Variants in GLI3 observed in about 807,000 individuals in gnomAD.
GLI3 encodes GLI family zinc finger 3, also known as transcription activator GLI3.
In GLI3, 20 loss-of-function variants were observed where a neutral mutation model predicts 100.8. The ratio of observed to expected loss-of-function variants is 0.20; its 90% CI spans 0.14 to 0.29. The LOEUF (loss-of-function observed/expected upper bound fraction) is 0.29, where lower values mean the gene tolerates loss of function less well. Among genes scored for constraint, GLI3 ranks in the 10% least tolerant of loss-of-function variants. GLI3 has a pLI of 1.00. For missense variants in GLI3, 2,040 were observed against 2,128.5 expected (o/e 0.96, Z 0.82); for synonymous variants, 938 against 860.5 (o/e 1.09, Z -1.58).
rs182815074 is a variant in GLI3, at chr7:42,009,020, T to C, written c.1497+14448A>G. Among the ~76,000 whole-genome samples, 72 of 152,358 alleles carry C rather than the reference T, an allele frequency of 4.7e-4. 1 individual carries two copies. The East Asian group carries it at 0.013, about 27-fold the overall frequency. ...CCTGGAAACAGGTACACCAAATTGT[T>C]ATGCAGACCAGGGCTGGGAGCCCAG... On this transcript the variant is annotated intron_variant, in intron 10 of 14. Transcript: ENST00000395925.
chr7:42,194,602 C>T (rs945348287), intron 2 of GLI3, among the ~76,000 whole-genome samples: 10 of 152,040 alleles, frequency 6.6e-5, no homozygotes, highest in African/African-American at 2.4e-4. Context: ...GCTCTACTCC[C>T]GTCTGTCTTA....
chr7:42,042,842 C>A (rs1424703756), intron 6 of GLI3, among the ~76,000 whole-genome samples: 1 of 152,090 alleles, frequency 6.6e-6, no homozygotes, highest in East Asian at 1.9e-4. Context: ...AAATAGTGGT[C>A]TTCAGGGGCC....
intron 1 of GLI3, among the ~76,000 whole-genome samples, chr7:42,235,182 GACT>G (rs1393607907): frequency 6.6e-6 from 1 of 152,178 alleles, no homozygotes; most frequent in African/African-American, 2.4e-5. Flanking sequence ...GAAACTGTCA[GACT>G]ACTATTAATT....
chr7:42,164,010 A>AT lies in GLI3; in HGVS notation c.125-15543dup, dbSNP rs936493420. Reference sequence around the variant, plus strand: ...AAATATTACTTTCCAAGCCTATGCAATTTTTTTTTCCTTTTGTAATGGGTC... The same window carrying AT: ...AAATATTACTTTCCAAGCCTATGCAATTTTTTTTTTCCTTTTGTAATGGGTC... On this transcript the variant is annotated intron_variant, in intron 2 of 14. Transcript: ENST00000395925. 5.9e-5 allele frequency among the ~76,000 whole-genome samples: 9 copies of AT among 151,706 alleles called. No homozygotes were observed. In the South Asian group the frequency reaches 8.4e-4, roughly 14 times the overall value.
chr7:41,965,329 G>A lies in GLI3; in HGVS notation c.3744C>T (p.Pro1248=), dbSNP rs776336534. ...GTSGNAFHEQ[P]CKAPQYGNCL... ...AGTTCCCATACTGCGGGGCCTTACA[G>A]GGCTGTTCATGGAAGGCGTTTCCAC... is the stretch of plus-strand genomic sequence containing the variant. The change falls in exon 15 of 15, where the codon CCC becomes CCT. Residue 1248 remains proline (P), a synonymous_variant. Transcript: ENST00000395925. 2 of 1,613,808 alleles carry A rather than the reference G, an allele frequency of 1.2e-6. No homozygotes were observed. Among genetic ancestry groups the A allele is most frequent in the Non-Finnish European group, 1.7e-6 (2 of 1,179,916 alleles).
intron 2 of GLI3, among the ~76,000 whole-genome samples, chr7:42,189,500 T>A (rs1431411498): frequency 6.6e-6 from 1 of 152,196 alleles, no homozygotes; most frequent in Admixed American, 6.5e-5. Flanking sequence ...TCTCCATTTT[T>A]AAAAGCTAAT....
chr7:42,045,613 C>T (rs1784230836), intron 5 of GLI3, 83 bp from the exon 6 acceptor site: 3 of 1,240,032 alleles, frequency 2.4e-6, no homozygotes, highest in African/African-American at 1.5e-5. Flanking sequence ...GAGTCCATTA[C>T]ACAACCCACA....
At position 42,231,897 on chromosome 7, in the gene GLI3, CA is replaced by C. The variant is rs59256693; in HGVS notation, c.-43+5073del. On this transcript the variant is annotated intron_variant, in intron 1 of 14. Coordinates refer to ENST00000395925, the MANE Select transcript of GLI3 (RefSeq NM_000168.6). The stretch of plus-strand genomic sequence containing the variant: ...CTTCCTAGGCATTTCATGCAATCTT[CA>C]AAAAAAAAAAAAAGTTAAAGTAGCA... 7.6e-3 allele frequency among the ~76,000 whole-genome samples: 954 copies of C among 125,694 alleles called. 1 individual carries two copies. The highest frequency in any genetic ancestry group is 0.016 in the African/African-American group (580 of 37,034). 82.5% of individuals were successfully genotyped at this position (125,694 alleles called of 152,430 possible). A position where few individuals can be genotyped will look rare whatever the true frequency, so the allele number is the denominator to read the frequency against.
In GLI3 at chr7:42,048,871, A is replaced by C. The variant is rs846265; in HGVS notation, c.474-175T>G. ...ATTATTTTAAAATCAGCATGATATA[A>C]TGCAGGCAGAGCATCGCTATGCAAT... On this transcript the variant is annotated intron_variant, in intron 4 of 14. Transcript: ENST00000395925. Among the ~76,000 whole-genome samples the C allele has an allele frequency of 0.56, 84,678 of 151,776 alleles. 25,763 individuals are homozygous for C. The highest frequency in any genetic ancestry group is 0.82 in the African/African-American group (33,973 of 41,372).
intron 2 of GLI3, among the ~76,000 whole-genome samples, chr7:42,178,145 A>C (rs549579310): frequency 6.6e-6 from 1 of 152,338 alleles, no homozygotes; most frequent in East Asian, 1.9e-4. Context: ...GATGTCGGCC[A>C]AAAGCAGCAC....
chr7:42,026,381 G>A lies in GLI3; in HGVS notation c.1060C>T (p.Pro354Ser). 2 of 1,614,182 alleles carry A rather than the reference G, an allele frequency of 1.2e-6. No individual in the cohort carries two copies. The highest frequency in any genetic ancestry group is 1.7e-6 in the Non-Finnish European group (2 of 1,180,022). ...TGCTGATGCATGTGGAGAGAGACGG[G>A]CGCGGAAGAGTAGGTGAAGCTCAAG... ...PALSFTYSSA[P>S]VSLHMHQQIL... The change falls in exon 8 of 15, where the codon CCC (proline) becomes TCC (serine). Residue 354 changes from proline to serine, a missense_variant. Transcript: ENST00000395925.
rs1393426835 is a variant in GLI3, at chr7:41,961,475, A to G, written c.*2855T>C. On this transcript the variant is annotated 3_prime_UTR_variant, in exon 15 of 15. Transcript: ENST00000395925. ...CATAAAATAAGGCACATACATCGCA[A>G]GAATCAAAACTTTGTGGCTCAAGAG... 6.6e-6 allele frequency: 1 copy of G among 152,658 alleles called. No individual in the cohort carries two copies. The highest frequency in any genetic ancestry group is 1.5e-5 in the Non-Finnish European group (1 of 68,046). The allele number at this position is 152,658 out of a possible 1,614,324, so 9.5% of individuals were successfully genotyped here.
chr7:42,263,035 C>A (rs1038651211), intron 1 of GLI3, among the ~76,000 whole-genome samples: 5 of 152,054 alleles, frequency 3.3e-5, no homozygotes, highest in African/African-American at 7.2e-5. Context: ...TTCTTCAGGT[C>A]CCTGGGCCTG....
chr7:42,172,733 G>A (rs548710626), intron 2 of GLI3: 156 of 668,626 alleles, frequency 2.3e-4, no homozygotes, highest in African/African-American at 1.5e-3. Flanking sequence ...AGAGTTTTCC[G>A]TGAGTAAAGT....
Position 41,964,333 on chromosome 7 carries a change from T to C in GLI3, c.4740A>G (p.Gln1580=), listed in dbSNP as rs375653915. 3.7e-5 allele frequency: 59 copies of C among 1,613,804 alleles called. No individual in the cohort carries two copies. The Admixed American group carries it at 5.7e-4, about 15-fold the overall frequency. The change falls in exon 15 of 15, where the codon CAA becomes CAG. Residue 1580 remains glutamine, a synonymous_variant. Transcript: ENST00000395925. ...AEESKFLAVM[Q] ...TGCAGTCTTTTTTTCCTAAAGCCTA[T>C]TGCATAACTGCAAGGAATTTGCTTT... is the stretch of plus-strand genomic sequence containing the variant.
chr7:42,056,068 A>T (rs116407661), intron 4 of GLI3, among the ~76,000 whole-genome samples: 1,548 of 152,258 alleles, frequency 0.01, 24 homozygotes, highest in African/African-American at 0.03. Context: ...CCATGTGAGA[A>T]GTGCCTTTCA....
chr7:42,055,047 A>G (rs1440196964), intron 4 of GLI3, among the ~76,000 whole-genome samples: 1 of 134,192 alleles, frequency 7.5e-6, no homozygotes, highest in Non-Finnish European at 1.7e-5. Context: ...ATACATATAT[A>G]TATACACACA....
At chr7:41,997,430 A>C (rs1329387080) in intron 10 of GLI3, among the ~76,000 whole-genome samples, 1 of 152,234 alleles carries the variant, frequency 6.6e-6, no homozygotes, top group East Asian at 1.9e-4. Context: ...ATTTTACTAA[A>C]GTGAACGCTA....
intron 3 of GLI3, among the ~76,000 whole-genome samples, chr7:42,144,359 G>T (rs943639429): frequency 4.6e-5 from 7 of 152,080 alleles, no homozygotes; most frequent in African/African-American, 1.4e-4. Flanking sequence ...GTAGCTGAAA[G>T]CCTGTCAACA....
Sources: gnomAD v4.1 joint callset for allele counts (sites outside exome capture counted in the v4.1 genomes callset) on GRCh38, gnomAD v4.1.1 for gene constraint, MANE v1.5 for transcripts, NCBI Gene and HGNC (gene_info 2026-07-23, HGNC 2026-07-21) for gene names.